NRBP1: variants seen among roughly 807,000 people sequenced by gnomAD.
NRBP1 encodes nuclear receptor binding protein 1, also known as nuclear receptor-binding protein.
NRBP1 carries 10 observed loss-of-function variants against 76.0 expected under a neutral mutation model. The observed-to-expected ratio is 0.13, with a 90% CI of 0.08 to 0.22. The LOEUF (loss-of-function observed/expected upper bound fraction) is 0.22, where lower values mean the gene tolerates loss of function less well. NRBP1 is among the 10% of genes least tolerant of loss of function. The pLI is 1.00. For missense variants in NRBP1, 344 were observed against 646.0 expected (o/e 0.53, Z 5.07); for synonymous variants, 235 against 240.2 (o/e 0.98, Z 0.20).
Position 27,440,900 on chromosome 2 carries a change from A to G in NRBP1, c.1289A>G (p.Lys430Arg). Residue 430 changes from lysine (K) to arginine (R), a missense_variant, in exon 14 of 18, where the codon AAG becomes AGG. Physicochemically the swap from Lys to Arg is conservative, Grantham distance 26. Transcript: ENST00000379852. ...VTSPVVPPSVKTPTPEPAEVE... is the reference protein window; with the variant it reads ...VTSPVVPPSVRTPTPEPAEVE... ...TCACCTGTCGTGCCCCCCTCTGTCA[A>G]GACTCCGACACCTGAACCAGCTGAG... is the stretch of plus-strand genomic sequence containing the variant. The G allele has an allele frequency of 6.2e-7, 1 of 1,613,954 alleles. No individual in the cohort carries two copies. Among genetic ancestry groups the G allele is most frequent in the Non-Finnish European group, 8.5e-7 (1 of 1,180,026 alleles).
At position 27,441,703 on chromosome 2, in the gene NRBP1, C is replaced by T. The variant is rs752729595; in HGVS notation, c.1504-5C>T. On this transcript the variant is annotated splice_polypyrimidine_tract_variant and splice_region_variant and intron_variant, in intron 17 of 17. Coordinates refer to ENST00000379852, the MANE Select transcript of NRBP1 (RefSeq NM_013392.4). ...CCCCCATCTTACTGAGCTCTTCTCC[C>T]CCAGGCTGACCAGAGCCGGTTGACT... 2.5e-5 allele frequency: 41 copies of T among 1,613,072 alleles called. No homozygotes were observed. In the Admixed American group the frequency reaches 6.8e-4, roughly 27 times the overall value.
intron 1 of NRBP1, chr2:27,429,115 G>T: frequency 6.4e-6 from 1 of 156,462 alleles, no homozygotes; most frequent in South Asian, 1.8e-4. Flanking sequence ...CCTGCTCGCG[G>T]GGAGGTGCGC....
chr2:27,441,346 C>G lies in NRBP1; in HGVS notation c.1447+16C>G. 1 of 1,612,652 alleles carries G rather than the reference C, an allele frequency of 6.2e-7. No individual in the cohort carries two copies. Among genetic ancestry groups the G allele is most frequent in the Non-Finnish European group, 8.5e-7 (1 of 1,178,650 alleles). On this transcript the variant is annotated intron_variant, in intron 16 of 17. Transcript: ENST00000379852. ...CTGATGCCAAGTGAGTCTCTCCTTTCCCTCAGAGGATGGAGAGTCTATGAG... is the reference window on the plus strand; with the variant it reads ...CTGATGCCAAGTGAGTCTCTCCTTTGCCTCAGAGGATGGAGAGTCTATGAG...
At position 27,436,842 on chromosome 2, in the gene NRBP1, C is replaced by A. The variant is rs1315344384; in HGVS notation, c.745+6C>A. 6 of 1,612,526 alleles carry A rather than the reference C, an allele frequency of 3.7e-6. No individual in the cohort carries two copies. The highest frequency in any genetic ancestry group is 5.1e-6 in the Non-Finnish European group (6 of 1,178,518). On this transcript the variant is annotated splice_donor_region_variant and intron_variant, in intron 8 of 17. Coordinates refer to ENST00000379852, the MANE Select transcript of NRBP1 (RefSeq NM_013392.4). ...CTTTGCACCAGAGTATGGAGGTGAGCCTTCCTGCTTTCTCTGCCCTGTCCT... is the reference window on the plus strand; with the variant it reads ...CTTTGCACCAGAGTATGGAGGTGAGACTTCCTGCTTTCTCTGCCCTGTCCT...
intron 3 of NRBP1, 67 bp downstream of exon 3, chr2:27,433,862 T>C: frequency 6.2e-7 from 1 of 1,612,118 alleles, no homozygotes; most frequent in Non-Finnish European, 8.5e-7. Flanking sequence ...GGAATTGGTG[T>C]TGGGAAGCTG....
At chr2:27,431,384 TGAAAGC>T (rs1664110321) in intron 1 of NRBP1, among the ~76,000 whole-genome samples, 10 of 152,308 alleles carry the variant, frequency 6.6e-5, no homozygotes, top group Admixed American at 2.0e-4. Flanking sequence ...GTGAATGAAA[TGAAAGC>T]TGGAAGCTTA....
upstream of NRBP1, chr2:27,428,575 CG>C (rs1424297765): frequency 2.5e-6 from 1 of 396,960 alleles, no homozygotes; most frequent in African/African-American, 2.1e-5. Context: ...AACCTGCCGG[CG>C]GTGCGGCACC....
intron 4 of NRBP1, 92 bp downstream of exon 4, chr2:27,434,182 G>T: frequency 9.1e-7 from 1 of 1,093,652 alleles, no homozygotes. Context: ...ATTAAAACAA[G>T]GTAGTTTTGA....
rs777712755 is a variant in NRBP1 at position 27,434,690 on chromosome 2, A to G, written c.526-32A>G. On this transcript the variant is annotated intron_variant, in intron 5 of 17. Coordinates refer to ENST00000379852, the MANE Select transcript of NRBP1 (RefSeq NM_013392.4). Reference sequence around the variant, plus strand: ...TGGGAGAGAGTTAAGAGAGGGAATTACTGCTGACCCTTGGATCCAACTTTG... The same window carrying G: ...TGGGAGAGAGTTAAGAGAGGGAATTGCTGCTGACCCTTGGATCCAACTTTG... 18 of 1,613,500 alleles carry G rather than the reference A, an allele frequency of 1.1e-5. No homozygotes were observed. In the East Asian group the frequency reaches 4.0e-4, roughly 36 times the overall value.
At chr2:27,440,285 A>C in intron 11 of NRBP1, 118 bp from the exon 12 acceptor site, 1 of 736,670 alleles carries the variant, frequency 1.4e-6, no homozygotes, top group East Asian at 2.6e-5. Context: ...CTGGGATTAC[A>C]GGCATGAGCC....
intron 11 of NRBP1, 94 bp downstream of exon 11, chr2:27,439,992 ATTCTTTTTTTTTTT>A: frequency 1.7e-5 from 4 of 234,438 alleles, no homozygotes; most frequent in East Asian, 2.6e-4. Context: ...TTCCAAAGGG[ATTCTTTTTTTTTTT>A]TTTTTTTTTT....
At chr2:27,437,945 G>A (rs532300170) in intron 10 of NRBP1, among the ~76,000 whole-genome samples, 1 of 151,838 alleles carries the variant, frequency 6.6e-6, no homozygotes, top group African/African-American at 2.4e-5. Context: ...CCAGCACTTT[G>A]AGAGGCTGAG....
chr2:27,441,854 C>T lies in NRBP1; in HGVS notation c.*42C>T. 8.1e-7 allele frequency: 1 copy of T among 1,233,636 alleles called. No individual in the cohort carries two copies. Among genetic ancestry groups the T allele is most frequent in the Non-Finnish European group, 1.2e-6 (1 of 847,414 alleles). 76.4% of individuals were successfully genotyped at this position (1,233,636 alleles called of 1,614,324 possible). A position where few individuals can be genotyped will look rare whatever the true frequency, so the allele number is the denominator to read the frequency against. On this transcript the variant is annotated 3_prime_UTR_variant, in exon 18 of 18. Transcript: ENST00000379852. ...GCCCTGATCTGCGCTGTGGCTGTCC[C>T]TGGACGTGCTGCAGCCCTCCTGTCC...
intron 17 of NRBP1, 27 bp downstream of exon 17, chr2:27,441,649 G>A (rs1185804061): frequency 1.2e-6 from 2 of 1,613,790 alleles, no homozygotes. Flanking sequence ...CATCTGCCCT[G>A]GCTGCCCCCA....
chr2:27,438,674 C>T (rs746669262), intron 10 of NRBP1, among the ~76,000 whole-genome samples: 4 of 152,042 alleles, frequency 2.6e-5, no homozygotes, highest in South Asian at 2.1e-4. Flanking sequence ...GAAAAGGAGG[C>T]GGTGGTGGAA....
In NRBP1 at chr2:27,439,757, C is replaced by G. The variant is rs1664453658; in HGVS notation, c.904-9C>G. ...GATGCCTGCTCCAGTTCCTTGTTTC[C>G]TTTTCTAGGAGTTCATTCAAAAGTG... On this transcript the variant is annotated splice_polypyrimidine_tract_variant and intron_variant, in intron 10 of 17. Coordinates refer to ENST00000379852, the MANE Select transcript of NRBP1 (RefSeq NM_013392.4). 6.2e-7 allele frequency: 1 copy of G among 1,613,758 alleles called. No individual in the cohort carries two copies. The highest frequency in any genetic ancestry group is 2.2e-5 in the East Asian group (1 of 44,842).
chr2:27,430,477 T>TTC (rs1365761892), intron 1 of NRBP1, among the ~76,000 whole-genome samples: 5 of 121,380 alleles, frequency 4.1e-5, no homozygotes, highest in African/African-American at 1.0e-4. Context: ...TTCTTTTTTT[T>TTC]TTTTTTTTTG....
In NRBP1 at chr2:27,437,342, A is replaced by G. The variant is rs1284396430; in HGVS notation, c.885A>G (p.Leu295=). The change falls in exon 10 of 18, where the codon CTA becomes CTG. Residue 295 remains leucine (L), a synonymous_variant. Coordinates refer to ENST00000379852, the MANE Select transcript of NRBP1 (RefSeq NM_013392.4). Reference sequence around the variant, plus strand: ...CCATCAGCAGTGCCATCCAGCTTCTAGAAGACCCATTACAGAGGGTAAGGA... The same window carrying G: ...CCATCAGCAGTGCCATCCAGCTTCTGGAAGACCCATTACAGAGGGTAAGGA... ...QEAISSAIQL[L]EDPLQREFIQ... 3.7e-6 allele frequency: 6 copies of G among 1,613,478 alleles called. No individual in the cohort carries two copies. Among genetic ancestry groups the G allele is most frequent in the Non-Finnish European group, 5.1e-6 (6 of 1,179,498 alleles).
chr2:27,428,498 G>T (rs976488147), upstream of NRBP1: 1 of 394,796 alleles, frequency 2.5e-6, no homozygotes, highest in African/African-American at 2.1e-5. Flanking sequence ...GAGGAGAGCG[G>T]GTGGAAGCCC....
Sources: gnomAD v4.1 joint callset for allele counts (sites outside exome capture counted in the v4.1 genomes callset) on GRCh38, gnomAD v4.1.1 for gene constraint, MANE v1.5 for transcripts, NCBI Gene and HGNC (gene_info 2026-07-23, HGNC 2026-07-21) for gene names.